The following INSR variants were observed in gnomAD, a reference collection of about 807,000 sequenced individuals.
INSR encodes the protein IR.
In INSR, 67 loss-of-function variants were observed where a neutral mutation model predicts 142.6. That is an observed-to-expected ratio of 0.47 (90% CI 0.39 to 0.58). INSR has a LOEUF of 0.58. Ranked by LOEUF, INSR falls within the 20% of genes least tolerant of loss-of-function variation. INSR has a pLI of 0.00. For missense variants in INSR, 1,248 were observed against 1,833.2 expected (o/e 0.68, Z 5.83); for synonymous variants, 756 against 743.1 (o/e 1.02, Z -0.28).
intron 1 of INSR, among the ~76,000 whole-genome samples, chr19:7,278,784 A>G (rs1296270770): frequency 6.6e-6 from 1 of 152,200 alleles, no homozygotes; most frequent in East Asian, 1.9e-4. Flanking sequence ...ACCTGAGGTC[A>G]GGAGTTTGAG....
chr19:7,218,519 TTTG>T (rs1290666939), intron 2 of INSR, among the ~76,000 whole-genome samples: 2 of 151,542 alleles, frequency 1.3e-5, no homozygotes, highest in African/African-American at 4.8e-5. Flanking sequence ...GTTTGTTTGT[TTTG>T]TTGTTTTTTT....
intron 2 of INSR, among the ~76,000 whole-genome samples, chr19:7,210,161 A>G (rs560200316): frequency 6.6e-6 from 1 of 152,116 alleles, no homozygotes; most frequent in African/African-American, 2.4e-5. Flanking sequence ...CCTGATCAAC[A>G]TGGGAAAACC....
rs1176523364 is a variant in INSR, at chr19:7,137,798, C to CAAAAAAAAAA, written c.2682+3869_2682+3878dup. On this transcript the variant is annotated intron_variant, in intron 13 of 21. Transcript: ENST00000302850. Reference sequence around the variant, plus strand: ...TGACAGAGTGAGTGAGACTCCATCTCAAAAAAAAAAAAAAAAAAAAAAAAA... The same window carrying CAAAAAAAAAA: ...TGACAGAGTGAGTGAGACTCCATCTCAAAAAAAAAAAAAAAAAAAAAAAAAAAAAAAAAAA... 9.6e-5 allele frequency among the ~76,000 whole-genome samples: 4 copies of CAAAAAAAAAA among 41,468 alleles called. 1 individual carries two copies. Among genetic ancestry groups the CAAAAAAAAAA allele is most frequent in the African/African-American group, 4.1e-4 (4 of 9,832 alleles). The allele number at this position is 41,468 out of a possible 152,430, so 27.2% of individuals were successfully genotyped here. A position where few individuals can be genotyped will look rare whatever the true frequency, so the allele number is the denominator to read the frequency against.
Position 7,166,493 on chromosome 19 carries a change from A to G in INSR, c.1611-89T>C. 1.4e-6 allele frequency: 2 copies of G among 1,388,160 alleles called. No individual in the cohort carries two copies. The highest frequency in any genetic ancestry group is 1.4e-5 in the African/African-American group (1 of 70,438). 86.0% of individuals were successfully genotyped at this position (1,388,160 alleles called of 1,614,324 possible). ...GATGAGGCCTGGGAAGTTACATCCC[A>G]TAGGGTCACATGTTACTCACCCAAC... On this transcript the variant is annotated intron_variant, in intron 7 of 21. Transcript: ENST00000302850. This position sits in a 1 kb window ranked among gnomAD's most constrained non-coding sequence, Gnocchi z 4.1.
chr19:7,129,266 T>C (rs572809812), intron 14 of INSR, among the ~76,000 whole-genome samples: 1 of 152,332 alleles, frequency 6.6e-6, no homozygotes, highest in East Asian at 1.9e-4. Context: ...CCCTTTTCTG[T>C]CAGTTTAATG....
At chr19:7,249,812 GA>G (rs1487831571) in intron 2 of INSR, among the ~76,000 whole-genome samples, 17 of 152,284 alleles carry the variant, frequency 1.1e-4, no homozygotes, top group Admixed American at 5.9e-4. Flanking sequence ...CTAACAGGGT[GA>G]AACCCCGTCT....
At position 7,141,723 on chromosome 19, in the gene INSR, C is replaced by T; in HGVS notation, c.2636G>A (p.Gly879Asp). Residue 879 changes from glycine to aspartate, a missense_variant, in exon 13 of 22, where the codon GGT (glycine) becomes GAT (aspartate). Around this residue, in one of 3 missense-constraint regions of INSR, gnomAD observed 1,069 missense variants for 1,654.0 expected, o/e 0.65. Transcript: ENST00000302850. ...ACTCACTTCATACAGCACGATCAGA[C>T]CATTGGGCTCCTTCGGCTCCTGCCA... ...LMWQEPKEPNGLIVLYEVSYR... is the reference protein window; with the variant it reads ...LMWQEPKEPNDLIVLYEVSYR... 6.2e-7 allele frequency: 1 copy of T among 1,614,166 alleles called. No homozygotes were observed.
intron 2 of INSR, among the ~76,000 whole-genome samples, chr19:7,215,602 C>T (rs1975409193): frequency 6.7e-6 from 1 of 148,444 alleles, no homozygotes; most frequent in Non-Finnish European, 1.5e-5. Flanking sequence ...GAGTCTTGCT[C>T]TGTCACCCAG....
intron 3 of INSR, among the ~76,000 whole-genome samples, chr19:7,178,477 T>C (rs1974196747): frequency 1.3e-5 from 2 of 152,088 alleles, no homozygotes; most frequent in Admixed American, 6.6e-5. Context: ...TCCTAGCACT[T>C]TGGGAGGCTG....
At chr19:7,184,800 T>A (rs948457759) in intron 2 of INSR, among the ~76,000 whole-genome samples, 163 bp from the exon 3 acceptor site, 1 of 123,848 alleles carries the variant, frequency 8.1e-6, no homozygotes, top group Admixed American at 8.3e-5. Flanking sequence ...CACGTCTACA[T>A]CATTACCCAC....
At chr19:7,153,038 ACACCACACAC>A in intron 9 of INSR, 111 bp from the exon 10 acceptor site, 1 of 367,186 alleles carries the variant, frequency 2.7e-6, no homozygotes, top group East Asian at 1.4e-4. Flanking sequence ...ACACACACAC[ACACCACACAC>A]CCCCCCACAC....
At chr19:7,262,027 C>T (rs574462776) in intron 2 of INSR, among the ~76,000 whole-genome samples, 17 of 152,246 alleles carry the variant, frequency 1.1e-4, no homozygotes, top group Admixed American at 8.5e-4. Context: ...ATAGCAACTA[C>T]GGATGTTCAC....
intron 9 of INSR, among the ~76,000 whole-genome samples, chr19:7,156,633 C>A (rs2144909862): frequency 6.6e-6 from 1 of 152,062 alleles, no homozygotes; most frequent in South Asian, 2.1e-4. Context: ...GACAGAGAAA[C>A]CCTGACCTAA....
At chr19:7,183,094 C>A (rs1974317150) in intron 3 of INSR, among the ~76,000 whole-genome samples, 1 of 152,030 alleles carries the variant, frequency 6.6e-6, no homozygotes, top group Admixed American at 6.6e-5. Context: ...ACTGAAATTA[C>A]AGCTTGTTTT....
chr19:7,281,305 C>T (rs1457628047), intron 1 of INSR, among the ~76,000 whole-genome samples: 1 of 151,276 alleles, frequency 6.6e-6, no homozygotes, highest in African/African-American at 2.4e-5. Flanking sequence ...CAACAAGATA[C>T]ATCCTTGAGA....
intron 1 of INSR, among the ~76,000 whole-genome samples, chr19:7,281,654 C>T (rs1031972003): frequency 3.3e-5 from 5 of 151,992 alleles, no homozygotes; most frequent in Admixed American, 3.3e-4. Flanking sequence ...GCACTCCAGC[C>T]GGGATGACAG....
At position 7,274,722 on chromosome 19, in the gene INSR, G is replaced by A. The variant is rs560169225; in HGVS notation, c.101-6826C>T. On this transcript the variant is annotated intron_variant, in intron 1 of 21. Transcript: ENST00000302850. ...CGGGAGGCTGAGGCAGGAGAATGGC[G>A]TGAACCCAGGAGGCGGAGCTTGCAG... is the stretch of plus-strand genomic sequence containing the variant. 4.2e-3 allele frequency among the ~76,000 whole-genome samples: 630 copies of A among 150,610 alleles called. 3 individuals are homozygous for A. The highest frequency in any genetic ancestry group is 0.014 in the African/African-American group (591 of 41,012).
rs1031696953 is a variant in INSR, at chr19:7,192,758, T to C, written c.653-8121A>G. ...CGCTGTCTCCCCTTCAAAGCCACATTGAGCTGCTGGTCCCAATTTTCCCCC... is the reference window on the plus strand; with the variant it reads ...CGCTGTCTCCCCTTCAAAGCCACATCGAGCTGCTGGTCCCAATTTTCCCCC... On this transcript the variant is annotated intron_variant, in intron 2 of 21. Transcript: ENST00000302850. This position sits in a 1 kb window ranked among gnomAD's most constrained non-coding sequence, Gnocchi z 4.2. 5.9e-5 allele frequency among the ~76,000 whole-genome samples: 9 copies of C among 152,194 alleles called. No homozygotes were observed. The highest frequency in any genetic ancestry group is 1.9e-4 in the African/African-American group (8 of 41,444).
chr19:7,212,929 C>T lies in INSR; in HGVS notation c.653-28292G>A, dbSNP rs149340833. Among the ~76,000 whole-genome samples, 261 of 152,184 alleles carry T rather than the reference C, an allele frequency of 1.7e-3. 4 individuals are homozygous for T. The East Asian group carries it at 0.044, about 25-fold the overall frequency. ...TGCTTCTGTACCACCCTCTAGCAGC[C>T]CTCTCCAGCCCCGCCCCCTCAGTGA... On this transcript the variant is annotated intron_variant, in intron 2 of 21. Transcript: ENST00000302850.
Sources: gnomAD v4.1 joint callset for allele counts (sites outside exome capture counted in the v4.1 genomes callset) on GRCh38, gnomAD v4.1.1 for gene constraint, gnomAD v4.1.1 regional missense constraint, Gnocchi (gnomAD v3.1) non-coding constraint, MANE v1.5 for transcripts, NCBI Gene and HGNC (gene_info 2026-07-23, HGNC 2026-07-21) for gene names.